The following PTPRF variants were observed in gnomAD, a reference collection of about 807,000 sequenced individuals.
The protein encoded by PTPRF is protein tyrosine phosphatase receptor type F.
Under a neutral mutation model 201.8 loss-of-function variants are expected in PTPRF, and 59 were observed. That is an observed-to-expected ratio of 0.29 (90% confidence interval 0.24 to 0.36). The LOEUF (loss-of-function observed/expected upper bound fraction) is 0.36, where lower values mean the gene tolerates loss of function less well. Ranked by LOEUF, PTPRF falls within the 10% of genes least tolerant of loss-of-function variation. The probability of loss-of-function intolerance (pLI) is 1.00; values close to 1 mark genes in which losing one functional copy is unlikely to be tolerated. For missense variants in PTPRF, 2,132 were observed against 2,690.5 expected (o/e 0.79, Z 4.59); for synonymous variants, 1,088 against 1,089.7 (o/e 1.00, Z 0.03).
chr1:43,575,802 A>C, intron 6 of PTPRF: 3 of 1,002,982 alleles, frequency 3.0e-6, no homozygotes, highest in Non-Finnish European at 4.2e-6. Context: ...CATGTATTTA[A>C]GGCCCTTTCT....
chr1:43,611,196 T>C (rs1054285484), intron 22 of PTPRF, among the ~76,000 whole-genome samples: 1 of 152,174 alleles, frequency 6.6e-6, no homozygotes, highest in Admixed American at 6.5e-5. Context: ...TTCATGAGCA[T>C]GTGTCTGGAG....
intron 2 of PTPRF, among the ~76,000 whole-genome samples, chr1:43,544,215 C>G (rs909565792): frequency 1.3e-5 from 2 of 151,944 alleles, no homozygotes; most frequent in African/African-American, 4.9e-5. Flanking sequence ...TTGTTTGGCT[C>G]CGGGCTTCTG....
chr1:43,591,528 C>T lies in PTPRF; in HGVS notation c.1506C>T (p.Thr502=), dbSNP rs2154012770. 1 of 1,595,958 alleles carries T rather than the reference C, an allele frequency of 6.3e-7. No homozygotes were observed. Among genetic ancestry groups the T allele is most frequent in the East Asian group, 2.3e-5 (1 of 44,306 alleles). The change falls in exon 9 of 34, where the codon ACC becomes ACT. Residue 502 remains threonine, a synonymous_variant. Coordinates refer to ENST00000359947, the MANE Select transcript of PTPRF (RefSeq NM_002840.5). Reference sequence around the variant, plus strand: ...TGGGCGATGGCCCTCCCAGCCCCACCATCCAGGTCAAGACGCAGCAGGGAG... The same window carrying T: ...TGGGCGATGGCCCTCCCAGCCCCACTATCCAGGTCAAGACGCAGCAGGGAG... ...TAVGDGPPSP[T]IQVKTQQGVP... is the part of the protein sequence containing the mutation.
chr1:43,605,550 G>A lies in PTPRF; in HGVS notation c.3411G>A (p.Val1137=), dbSNP rs631248. The A allele has an allele frequency of 0.74, 1,196,013 of 1,613,788 alleles. 450,109 individuals carry two copies. Among genetic ancestry groups the A allele is most frequent in the Non-Finnish European group, 0.78 (919,012 of 1,179,868 alleles). ...SLVRWFYIVV[V]PIDRVGGSML... ...CCAGGTGGTTCTACATTGTTGTGGT[G>A]CCCATTGACCGTGTGGGCGGGAGCA... Residue 1137 remains valine, a synonymous_variant, in exon 19 of 34, where the codon GTG becomes GTA. Coordinates refer to ENST00000359947, the MANE Select transcript of PTPRF (RefSeq NM_002840.5).
chr1:43,568,234 G>T (rs1646320986), intron 5 of PTPRF, among the ~76,000 whole-genome samples: 1 of 151,804 alleles, frequency 6.6e-6, no homozygotes. Flanking sequence ...GGCGGAGGTT[G>T]CGGTGAGCTG....
At chr1:43,541,796 A>G (rs531064255) in intron 2 of PTPRF, among the ~76,000 whole-genome samples, 12 of 152,238 alleles carry the variant, frequency 7.9e-5, no homozygotes, top group African/African-American at 1.7e-4. Context: ...ATTGTGTCCA[A>G]TTATATTCTA....
intron 5 of PTPRF, among the ~76,000 whole-genome samples, chr1:43,566,531 C>T (rs547344958): frequency 2.6e-5 from 4 of 152,262 alleles, no homozygotes; most frequent in Admixed American, 1.3e-4. Context: ...CGCGGGTGCC[C>T]GTGGGGGAAG....
Position 43,606,215 on chromosome 1 carries a change from T to C in PTPRF, c.3484-25T>C, listed in dbSNP as rs375057277. ...GGCCGGCATGCTCCAAGGCCCCTCA[T>C]GACCCCCATGCTCTGCTCTGCCAGC... On this transcript the variant is annotated intron_variant, in intron 19 of 33. Transcript: ENST00000359947. 15 of 1,600,234 alleles carry C rather than the reference T, an allele frequency of 9.4e-6. No individual in the cohort carries two copies. The African/African-American group carries it at 2.0e-4, about 21-fold the overall frequency.
chr1:43,562,202 G>A (rs754293063), intron 5 of PTPRF, among the ~76,000 whole-genome samples: 4 of 151,892 alleles, frequency 2.6e-5, no homozygotes, highest in Non-Finnish European at 4.4e-5. Flanking sequence ...TCCGCCTCCC[G>A]GGTTCAGATG....
chr1:43,569,446 G>A, intron 5 of PTPRF, 144 bp from the exon 6 acceptor site: 1 of 798,186 alleles, frequency 1.3e-6, no homozygotes, highest in South Asian at 1.9e-5. Flanking sequence ...TCAAATCGGG[G>A]TATGCTTCAT....
At chr1:43,538,820 C>T (rs1284076263) in intron 2 of PTPRF, among the ~76,000 whole-genome samples, 2 of 152,286 alleles carry the variant, frequency 1.3e-5, no homozygotes, top group East Asian at 3.9e-4. Context: ...CCCTTGTTCT[C>T]CTCTCTGTCT....
chr1:43,530,571 A>G (rs919643725), upstream of PTPRF, among the ~76,000 whole-genome samples: 1 of 152,008 alleles, frequency 6.6e-6, no homozygotes, highest in Non-Finnish European at 1.5e-5. This position sits in a 1 kb window ranked among gnomAD's most constrained non-coding sequence, Gnocchi z 4.1. Flanking sequence ...TCAGGTTCAG[A>G]TCTGTATGGG....
rs372289586 is a variant in PTPRF at position 43,603,741 on chromosome 1, G to A, written c.2589G>A (p.Ala863=). Residue 863 remains alanine, a synonymous_variant, in exon 16 of 34, where the codon GCG becomes GCA. Transcript: ENST00000359947. This position sits in a 1 kb window ranked among gnomAD's most constrained non-coding sequence, Gnocchi z 5.8. ...TGCAGTACTGCCGGGCCGACGAGGC[G>A]CGGCCCAACACCATAGATTTCGGCA... ...YRLQYCRADE[A]RPNTIDFGKD... 52 of 1,613,760 alleles carry A rather than the reference G, an allele frequency of 3.2e-5. 1 individual carries two copies. Among genetic ancestry groups the A allele is most frequent in the African/African-American group, 1.7e-4 (13 of 74,928 alleles).
intron 20 of PTPRF, 57 bp downstream of exon 20, chr1:43,606,515 C>A: frequency 6.7e-7 from 1 of 1,494,716 alleles, no homozygotes; most frequent in Non-Finnish European, 9.1e-7. Flanking sequence ...TGGCCTGAGA[C>A]GATGCCAGTC....
chr1:43,603,588 G>T lies in PTPRF; in HGVS notation c.2459-23G>T. The T allele has an allele frequency of 1.9e-6, 3 of 1,612,560 alleles. No homozygotes were observed. Among genetic ancestry groups the T allele is most frequent in the Non-Finnish European group, 2.5e-6 (3 of 1,179,066 alleles). ...GTGGGGCAGCAGGAGGGCAGCGCCA[G>T]AGCCCAGCCCGTGGTCCTTCAGTCC... is the stretch of plus-strand genomic sequence containing the variant. On this transcript the variant is annotated intron_variant, in intron 15 of 33. Transcript: ENST00000359947. The surrounding 1 kb of genome is among the most constrained non-coding windows in gnomAD (Gnocchi z 5.8).
intron 5 of PTPRF, among the ~76,000 whole-genome samples, chr1:43,563,543 G>T (rs1645954298): frequency 6.6e-6 from 1 of 152,208 alleles, no homozygotes; most frequent in Non-Finnish European, 1.5e-5. Flanking sequence ...TTGGGAGGAG[G>T]TTCCTGAGAG....
chr1:43,616,093 T>G (rs1415329837), intron 23 of PTPRF, among the ~76,000 whole-genome samples: 2 of 151,316 alleles, frequency 1.3e-5, no homozygotes, highest in African/African-American at 2.4e-5. Context: ...GCCTGAGGTG[T>G]GGGGTGTGCT....
chr1:43,526,510 C>T (rs139125993), upstream of PTPRF, among the ~76,000 whole-genome samples: 1,612 of 152,092 alleles, frequency 0.011, 29 homozygotes, highest in African/African-American at 0.037. Context: ...TTTTCTCCCA[C>T]CTCATACCTG....
chr1:43,555,178 T>C (rs1645275397), intron 5 of PTPRF, among the ~76,000 whole-genome samples: 1 of 152,086 alleles, frequency 6.6e-6, no homozygotes, highest in African/African-American at 2.4e-5. Context: ...TTTAAGAATG[T>C]GATGTCGATA....
Sources: gnomAD v4.1 joint callset for allele counts (sites outside exome capture counted in the v4.1 genomes callset) on GRCh38, gnomAD v4.1.1 for gene constraint, Gnocchi (gnomAD v3.1) non-coding constraint, MANE v1.5 for transcripts, NCBI Gene and HGNC (gene_info 2026-07-23, HGNC 2026-07-21) for gene names.